PEX7: variants seen among roughly 807,000 people sequenced by gnomAD.
The protein encoded by PEX7 is PTS2 receptor.
A neutral mutation model predicts 47.5 loss-of-function variants in PEX7; 34 were observed. The ratio of observed to expected loss-of-function variants is 0.72; its 90% CI spans 0.54 to 0.95. The LOEUF (loss-of-function observed/expected upper bound fraction) is 0.95, where lower values mean the gene tolerates loss of function less well. Ranked by LOEUF, PEX7 falls within the 40% of genes least tolerant of loss-of-function variation. PEX7 has a pLI of 0.00. For synonymous variants in PEX7, 141 were observed against 148.8 expected (o/e 0.95, Z 0.38); for missense variants, 394 against 400.3 (o/e 0.98, Z 0.13).
intron 8 of PEX7, among the ~76,000 whole-genome samples, chr6:136,884,933 A>G (rs961713786): frequency 2.0e-5 from 3 of 152,226 alleles, no homozygotes; most frequent in Non-Finnish European, 4.4e-5. Context: ...TCTTCCATGA[A>G]TGTTATCATC....
chr6:136,822,642 C>T lies in PEX7; in HGVS notation c.-24C>T, dbSNP rs1407495179. 3.3e-6 allele frequency: 5 copies of T among 1,521,784 alleles called. No homozygotes were observed. Among genetic ancestry groups the T allele is most frequent in the South Asian group, 1.2e-5 (1 of 83,706 alleles). The allele number at this position is 1,521,784 out of a possible 1,614,324, so 94.3% of individuals were successfully genotyped here. A position where few individuals can be genotyped will look rare whatever the true frequency, so the allele number is the denominator to read the frequency against. On this transcript the variant is annotated 5_prime_UTR_variant, in exon 1 of 10. Coordinates refer to ENST00000318471, the MANE Select transcript of PEX7 (RefSeq NM_000288.4). ...GGAACGGCTTCCGCGGCCGGGGCAG[C>T]GAGGGCCGGGGGCGGCGGGCGGGAT...
intron 3 of PEX7, among the ~76,000 whole-genome samples, chr6:136,839,405 T>C (rs1166220925): frequency 6.6e-6 from 1 of 152,168 alleles, no homozygotes; most frequent in East Asian, 1.9e-4. Context: ...TCTTTGGGAA[T>C]TGGTTTCAGT....
intron 3 of PEX7, among the ~76,000 whole-genome samples, chr6:136,844,008 C>CT (rs34955932): frequency 1.3e-5 from 2 of 152,216 alleles, no homozygotes; most frequent in East Asian, 1.9e-4. Context: ...CGATATTTTA[C>CT]TTTTTTTGAA....
chr6:136,841,578 T>G (rs746673411), intron 3 of PEX7, among the ~76,000 whole-genome samples: 2 of 152,118 alleles, frequency 1.3e-5, no homozygotes, highest in Non-Finnish European at 2.9e-5. Context: ...TGTTTATAGT[T>G]TGTTTTGTTT....
chr6:136,853,109 T>C (rs931194199), intron 5 of PEX7, among the ~76,000 whole-genome samples: 1 of 152,124 alleles, frequency 6.6e-6, no homozygotes, highest in Non-Finnish European at 1.5e-5. Flanking sequence ...GCTAGCCATA[T>C]GTAGAAAACT....
At chr6:136,843,492 T>C (rs1358816751) in intron 3 of PEX7, among the ~76,000 whole-genome samples, 1 of 152,196 alleles carries the variant, frequency 6.6e-6, no homozygotes, top group Non-Finnish European at 1.5e-5. Context: ...CTGCTTGGTG[T>C]GTGCTATAAG....
At chr6:136,894,389 A>G (rs1245170463) in intron 8 of PEX7, among the ~76,000 whole-genome samples, 3 of 152,188 alleles carry the variant, frequency 2.0e-5, no homozygotes, top group Non-Finnish European at 2.9e-5. Flanking sequence ...CAGGAGTTCA[A>G]GACCAGCCTG....
At chr6:136,873,749 T>C (rs1312386492) in intron 8 of PEX7, among the ~76,000 whole-genome samples, 1 of 152,200 alleles carries the variant, frequency 6.6e-6, no homozygotes, top group Non-Finnish European at 1.5e-5. Flanking sequence ...GATTCTGACT[T>C]TAATGCAAAT....
intron 4 of PEX7, 116 bp downstream of exon 4, chr6:136,845,808 T>C: frequency 1.3e-6 from 1 of 756,686 alleles, no homozygotes; most frequent in East Asian, 2.6e-5. Flanking sequence ...AGCTGAGCTT[T>C]CTTTTAAAAA....
intron 5 of PEX7, among the ~76,000 whole-genome samples, chr6:136,860,061 G>A (rs1349882570): frequency 1.3e-5 from 2 of 151,934 alleles, no homozygotes; most frequent in African/African-American, 4.8e-5. Context: ...TCAGTGGCAG[G>A]TCTGCAATTG....
intron 3 of PEX7, among the ~76,000 whole-genome samples, chr6:136,841,134 A>C (rs1373946925): frequency 2.0e-5 from 3 of 152,164 alleles, no homozygotes; most frequent in South Asian, 4.1e-4. Context: ...TATTTGTTGA[A>C]TAGATGAGTG....
intron 3 of PEX7, among the ~76,000 whole-genome samples, chr6:136,833,264 G>C (rs1006031958): frequency 1.2e-4 from 19 of 152,116 alleles, no homozygotes; most frequent in Non-Finnish European, 1.5e-4. Context: ...ACTTTTAAAA[G>C]CATCAGATCA....
At chr6:136,894,886 T>G (rs552206192) in intron 8 of PEX7, among the ~76,000 whole-genome samples, 2 of 152,352 alleles carry the variant, frequency 1.3e-5, no homozygotes, top group South Asian at 4.1e-4. Flanking sequence ...AACAAACATT[T>G]CACTTAAGAA....
At chr6:136,823,149 G>A in intron 1 of PEX7, 8 of 985,392 alleles carry the variant, frequency 8.1e-6, no homozygotes, top group Non-Finnish European at 9.6e-6. Flanking sequence ...GGATCGGTCC[G>A]CTCGGCACAG....
chr6:136,876,885 C>G (rs138931761), intron 8 of PEX7, among the ~76,000 whole-genome samples: 102 of 152,316 alleles, frequency 6.7e-4, no homozygotes, highest in African/African-American at 2.3e-3. Context: ...AATGGTGTTT[C>G]TGATTCTAGA....
At chr6:136,897,376 A>G (rs1775670177) in intron 8 of PEX7, among the ~76,000 whole-genome samples, 1 of 152,248 alleles carries the variant, frequency 6.6e-6, no homozygotes, top group African/African-American at 2.4e-5. Flanking sequence ...CAAATAAAGC[A>G]TTAGAAATAA....
At chr6:136,904,307 A>T (rs1775802505) in intron 9 of PEX7, among the ~76,000 whole-genome samples, 1 of 152,194 alleles carries the variant, frequency 6.6e-6, no homozygotes, top group South Asian at 2.1e-4. Context: ...GCTTACAATG[A>T]TATAACAAGT....
intron 5 of PEX7, 59 bp from the exon 6 acceptor site, chr6:136,866,568 T>G: frequency 7.4e-7 from 1 of 1,359,976 alleles, no homozygotes; most frequent in Non-Finnish European, 1.1e-6. Context: ...GTGAACACAT[T>G]ATGTCACTGC....
chr6:136,859,107 G>A lies in PEX7; in HGVS notation c.527-7520G>A, dbSNP rs79597359. On this transcript the variant is annotated intron_variant, in intron 5 of 9. Coordinates refer to ENST00000318471, the MANE Select transcript of PEX7 (RefSeq NM_000288.4). Reference sequence around the variant, plus strand: ...ATATTTTAAGATAATATATGAGAACGTAGCATTTAGTTTGCTCCAAGAATT... The same window carrying A: ...ATATTTTAAGATAATATATGAGAACATAGCATTTAGTTTGCTCCAAGAATT... Among the ~76,000 whole-genome samples the A allele has an allele frequency of 3.2e-3, 487 of 152,270 alleles. 2 individuals are homozygous for A. The highest frequency in any genetic ancestry group is 4.5e-3 in the Non-Finnish European group (306 of 68,024).
Sources: allele counts gnomAD v4.1 joint callset (sites outside exome capture counted in the v4.1 genomes callset), GRCh38; gene constraint gnomAD v4.1.1; transcripts MANE v1.5; gene names NCBI Gene and HGNC (gene_info 2026-07-23, HGNC 2026-07-21).